RALYL: variants seen among roughly 807,000 people sequenced by gnomAD.
The protein encoded by RALYL is RALY RNA binding protein like.
RALYL carries 29 observed loss-of-function variants against 35.1 expected under a neutral mutation model. The observed-to-expected ratio is 0.83, with a 90% CI of 0.61 to 1.13. The LOEUF is 1.13. Among genes scored for constraint, RALYL ranks in the 50% most tolerant of loss-of-function variants. The pLI is 0.00. For missense variants in RALYL, 359 were observed against 360.4 expected (o/e 1.00, Z 0.03); for synonymous variants, 120 against 127.6 (o/e 0.94, Z 0.40).
At chr8:84,848,555 T>C (rs964183176) in intron 4 of RALYL, among the ~76,000 whole-genome samples, 8 of 152,052 alleles carry the variant, frequency 5.3e-5, no homozygotes, top group Non-Finnish European at 1.0e-4. Context: ...CTAAGTAAAA[T>C]AAGCCAAACA....
intron 1 of RALYL, among the ~76,000 whole-genome samples, chr8:84,403,505 T>A (rs1453548739): frequency 6.8e-6 from 1 of 147,888 alleles, no homozygotes; most frequent in Non-Finnish European, 1.5e-5. Flanking sequence ...TCTGTTCTGT[T>A]CCATTGGTCT....
intron 3 of RALYL, among the ~76,000 whole-genome samples, chr8:84,784,770 C>T (rs922936578): frequency 6.6e-6 from 1 of 152,096 alleles, no homozygotes; most frequent in African/African-American, 2.4e-5. Context: ...CCTCCTTTTT[C>T]CATGTTTAGA....
chr8:84,388,717 A>G (rs1859856459), intron 1 of RALYL, among the ~76,000 whole-genome samples: 1 of 151,608 alleles, frequency 6.6e-6, no homozygotes, highest in South Asian at 2.1e-4. Flanking sequence ...AATTTGTTTG[A>G]GTTCATTGTA....
intron 1 of RALYL, among the ~76,000 whole-genome samples, chr8:84,387,496 C>T (rs1768605641): frequency 2.0e-5 from 3 of 151,902 alleles, no homozygotes; most frequent in Admixed American, 1.3e-4. Context: ...CTCCTCTCCC[C>T]TTAATTCAGT....
At chr8:84,741,333 C>T (rs963110869) in intron 2 of RALYL, among the ~76,000 whole-genome samples, 2 of 152,014 alleles carry the variant, frequency 1.3e-5, no homozygotes, top group African/African-American at 4.8e-5. Context: ...TGATATCACA[C>T]AGCTAGCTGT....
chr8:84,385,566 A>T (rs1270264242), intron 1 of RALYL, among the ~76,000 whole-genome samples: 2 of 151,844 alleles, frequency 1.3e-5, no homozygotes, highest in African/African-American at 4.8e-5. Flanking sequence ...TGTAAAAGCC[A>T]CATTGCTGTA....
chr8:84,903,193 G>T (rs1587104368), intron 8 of RALYL, among the ~76,000 whole-genome samples: 1 of 152,116 alleles, frequency 6.6e-6, no homozygotes. Context: ...GGGGTATAGT[G>T]TAACACCAAA....
At chr8:84,905,867 C>T (rs1292129452) in intron 8 of RALYL, among the ~76,000 whole-genome samples, 1 of 151,874 alleles carries the variant, frequency 6.6e-6, no homozygotes, top group Non-Finnish European at 1.5e-5. Flanking sequence ...TAGTAATACT[C>T]CTGTTTCCTA....
chr8:84,454,635 C>T (rs1252308251), intron 1 of RALYL, among the ~76,000 whole-genome samples: 2 of 152,084 alleles, frequency 1.3e-5, no homozygotes, highest in African/African-American at 4.8e-5. Flanking sequence ...TTGGTGCTCT[C>T]CTTCACTTGG....
chr8:84,784,882 CT>C (rs1363622158), intron 3 of RALYL, among the ~76,000 whole-genome samples: 1 of 152,156 alleles, frequency 6.6e-6, no homozygotes, highest in African/African-American at 2.4e-5. Flanking sequence ...AGTTAATTAA[CT>C]GTTAAACTTT....
intron 1 of RALYL, among the ~76,000 whole-genome samples, chr8:84,338,511 A>C (rs1159759799): frequency 6.6e-6 from 1 of 151,982 alleles, no homozygotes; most frequent in African/African-American, 2.4e-5. Flanking sequence ...ATTATTAACA[A>C]GATTAACCCA....
chr8:84,493,473 A>T (rs1318554735), intron 1 of RALYL, among the ~76,000 whole-genome samples: 2 of 152,052 alleles, frequency 1.3e-5, no homozygotes, highest in Admixed American at 1.3e-4. Flanking sequence ...CTGGTTCTAA[A>T]TCCTTCAGGA....
chr8:84,277,414 A>T (rs1002988656), intron 1 of RALYL, among the ~76,000 whole-genome samples: 3 of 152,136 alleles, frequency 2.0e-5, no homozygotes, highest in South Asian at 2.1e-4. Flanking sequence ...TAAAGGTGAG[A>T]TTTGGGTGGG....
intron 2 of RALYL, among the ~76,000 whole-genome samples, chr8:84,703,249 C>A (rs1328582725): frequency 6.6e-6 from 1 of 151,938 alleles, no homozygotes; most frequent in African/African-American, 2.4e-5. Flanking sequence ...GCCACTAGGC[C>A]CAGATGTGAG....
intron 2 of RALYL, among the ~76,000 whole-genome samples, chr8:84,672,482 T>A (rs1833457257): frequency 3.3e-5 from 5 of 152,220 alleles, no homozygotes; most frequent in Admixed American, 3.3e-4. Flanking sequence ...TTTTTGGGTA[T>A]CTTTACAGCA....
At chr8:84,332,873 T>A (rs1847105211) in intron 1 of RALYL, among the ~76,000 whole-genome samples, 1 of 152,172 alleles carries the variant, frequency 6.6e-6, no homozygotes, top group South Asian at 2.1e-4. Context: ...GATCCAGAAG[T>A]GAACCCAGAC....
At chr8:84,529,097 T>C (rs1214063677) in intron 1 of RALYL, among the ~76,000 whole-genome samples, 1 of 152,206 alleles carries the variant, frequency 6.6e-6, no homozygotes, top group Non-Finnish European at 1.5e-5. Flanking sequence ...ATTATGTTTT[T>C]TCTACTGTAT....
chr8:84,497,863 G>A (rs1007232008), intron 1 of RALYL, among the ~76,000 whole-genome samples: 2 of 151,524 alleles, frequency 1.3e-5, no homozygotes, highest in Non-Finnish European at 2.9e-5. Context: ...GGATGTTCTC[G>A]ATCTCCTGAC....
intron 2 of RALYL, among the ~76,000 whole-genome samples, chr8:84,560,029 A>G (rs989573223): frequency 2.0e-5 from 3 of 151,826 alleles, no homozygotes; most frequent in Non-Finnish European, 2.9e-5. Context: ...AACCTAAACA[A>G]AAATGAACGT....
Sources: allele counts gnomAD v4.1 joint callset (sites outside exome capture counted in the v4.1 genomes callset), GRCh38; gene constraint gnomAD v4.1.1; transcripts MANE v1.5; gene names NCBI Gene and HGNC (gene_info 2026-07-23, HGNC 2026-07-21).